The following IFT43 variants were observed in gnomAD, a reference collection of about 807,000 sequenced individuals.
IFT43 encodes the protein intraflagellar transport protein 43 homolog.
IFT43 carries 33 observed loss-of-function variants against 32.3 expected under a neutral mutation model. The ratio of observed to expected loss-of-function variants is 1.02; its 90% confidence interval spans 0.77 to 1.37. The LOEUF (loss-of-function observed/expected upper bound fraction) is 1.37. Among genes scored for constraint, IFT43 ranks in the 40% most tolerant of loss-of-function variants. The pLI, the probability that IFT43 is intolerant of heterozygous loss-of-function variation, is 0.00. For missense variants in IFT43, 274 were observed against 265.9 expected (o/e 1.03, Z -0.21); for synonymous variants, 93 against 98.2 (o/e 0.95, Z 0.31).
At chr14:76,034,873 G>A (rs2036571000) in intron 3 of IFT43, among the ~76,000 whole-genome samples, 1 of 152,210 alleles carries the variant, frequency 6.6e-6, no homozygotes, top group Non-Finnish European at 1.5e-5. Context: ...AGCTGTCCTT[G>A]GCTCTGAAGT....
chr14:76,050,753 C>T (rs1291729498), intron 3 of IFT43, among the ~76,000 whole-genome samples: 3 of 152,192 alleles, frequency 2.0e-5, no homozygotes, highest in African/African-American at 7.2e-5. Flanking sequence ...ACACCTCTCA[C>T]TCCTGCCTAG....
At chr14:76,082,594 C>T in intron 6 of IFT43, 23 bp from the exon 7 acceptor site, 2 of 1,614,146 alleles carry the variant, frequency 1.2e-6, no homozygotes, top group Non-Finnish European at 1.7e-6. Flanking sequence ...GGGTTCCCGC[C>T]TCTCGCTCTC....
At chr14:76,016,018 T>C (rs1250344514) in intron 2 of IFT43, among the ~76,000 whole-genome samples, 2 of 152,172 alleles carry the variant, frequency 1.3e-5, no homozygotes, top group Non-Finnish European at 1.5e-5. Flanking sequence ...TAATGGGACT[T>C]TTTTGGGTTT....
intron 5 of IFT43, among the ~76,000 whole-genome samples, chr14:76,076,897 A>G (rs1001348872): frequency 6.6e-6 from 1 of 151,970 alleles, no homozygotes; most frequent in Non-Finnish European, 1.5e-5. Context: ...GTTTCTATTT[A>G]TTTAGGCAGC....
intron 4 of IFT43, 192 bp downstream of exon 4, chr14:76,058,866 T>C (rs2037076462): frequency 1.3e-6 from 2 of 1,509,562 alleles, no homozygotes; most frequent in African/African-American, 1.4e-5. Context: ...GACCCTGGCA[T>C]TGATGCCCAT....
At chr14:76,049,387 G>C (rs990817758) in intron 3 of IFT43, among the ~76,000 whole-genome samples, 2 of 151,418 alleles carry the variant, frequency 1.3e-5, no homozygotes, top group African/African-American at 4.9e-5. Context: ...AAAATAGGCC[G>C]TACGCTCTTG....
chr14:76,025,689 G>A (rs559725717), intron 3 of IFT43, among the ~76,000 whole-genome samples: 2 of 152,180 alleles, frequency 1.3e-5, no homozygotes, highest in South Asian at 4.2e-4. Context: ...ACAAAAACAA[G>A]CAATGGGGGA....
intron 5 of IFT43, chr14:76,076,425 C>T: frequency 5.9e-6 from 2 of 337,602 alleles, no homozygotes; most frequent in Non-Finnish European, 8.4e-6. Context: ...GAGGAAAAAG[C>T]TCCCTGCCTG....
intron 2 of IFT43, among the ~76,000 whole-genome samples, chr14:76,015,307 G>A (rs1044612150): frequency 1.3e-5 from 2 of 152,074 alleles, no homozygotes; most frequent in African/African-American, 4.8e-5. Flanking sequence ...CCCTCTAAAT[G>A]CCCAAGCCTA....
chr14:76,055,611 C>A (rs968193964), intron 3 of IFT43, among the ~76,000 whole-genome samples: 10 of 152,308 alleles, frequency 6.6e-5, no homozygotes, highest in South Asian at 4.1e-4. Context: ...GATTCTGTGT[C>A]TTTTGCTGGG....
intron 5 of IFT43, among the ~76,000 whole-genome samples, chr14:76,071,928 C>T (rs1158712288): frequency 6.6e-6 from 1 of 152,032 alleles, no homozygotes; most frequent in Non-Finnish European, 1.5e-5. Flanking sequence ...CTGCTCACAG[C>T]CCTACTTATG....
chr14:76,078,727 G>A (rs1292968525), intron 5 of IFT43, among the ~76,000 whole-genome samples: 3 of 152,218 alleles, frequency 2.0e-5, no homozygotes, highest in Admixed American at 6.5e-5. Flanking sequence ...GCCGTGTGAC[G>A]GTGGCACTGC....
chr14:76,060,832 TC>T (rs1555367388), intron 5 of IFT43, among the ~76,000 whole-genome samples: 1 of 79,112 alleles, frequency 1.3e-5, no homozygotes, highest in Non-Finnish European at 2.7e-5. Context: ...CTCCCTTTCT[TC>T]CTTCCTTCCT....
intron 2 of IFT43, among the ~76,000 whole-genome samples, chr14:75,989,942 C>T (rs2035604882): frequency 1.3e-5 from 2 of 152,250 alleles, no homozygotes; most frequent in South Asian, 4.1e-4. Context: ...CATTCTCCAC[C>T]ACTTTCTTAA....
chr14:76,029,988 C>T (rs2036478636), intron 3 of IFT43, among the ~76,000 whole-genome samples: 1 of 151,570 alleles, frequency 6.6e-6, no homozygotes, highest in Admixed American at 6.6e-5. Context: ...TCAAGTGATT[C>T]TCCTGCTTCA....
chr14:76,047,717 G>C (rs901093163), intron 3 of IFT43, among the ~76,000 whole-genome samples: 2 of 150,552 alleles, frequency 1.3e-5, no homozygotes, highest in Admixed American at 1.3e-4. Flanking sequence ...TCCTCCCTCT[G>C]TTCCTTCCCT....
intron 7 of IFT43, 40 bp from the exon 8 acceptor site, chr14:76,083,187 C>G: frequency 6.2e-7 from 1 of 1,613,564 alleles, no homozygotes; most frequent in Non-Finnish European, 8.5e-7. Flanking sequence ...TGAAAGCCCT[C>G]AAGGTGCTCA....
chr14:76,037,675 T>C (rs1292675574), intron 3 of IFT43, among the ~76,000 whole-genome samples: 1 of 136,890 alleles, frequency 7.3e-6, no homozygotes, highest in East Asian at 2.1e-4. Context: ...TAAATGTGGC[T>C]TTTCCCTCAT....
intron 3 of IFT43, among the ~76,000 whole-genome samples, chr14:76,027,522 A>G (rs1201288058): frequency 2.0e-5 from 3 of 152,134 alleles, no homozygotes; most frequent in Admixed American, 6.5e-5. Context: ...ATCCTGGCTA[A>G]CACAGTGAAA....
Sources: allele counts gnomAD v4.1 joint callset (sites outside exome capture counted in the v4.1 genomes callset), GRCh38; gene constraint gnomAD v4.1.1; transcripts MANE v1.5; gene names NCBI Gene and HGNC (gene_info 2026-07-23, HGNC 2026-07-21).